The following RBBP5 variants were observed in gnomAD, a reference collection of about 807,000 sequenced individuals.
RBBP5 encodes the protein RB binding protein 5, histone lysine methyltransferase complex subunit, also known as retinoblastoma-binding protein 5.
RBBP5 carries 5 observed loss-of-function variants against 72.2 expected under a neutral mutation model. The ratio of observed to expected loss-of-function variants is 0.07; its 90% CI spans 0.04 to 0.15. The LOEUF (loss-of-function observed/expected upper bound fraction) is 0.15. RBBP5 is among the 10% of genes least tolerant of loss of function. The pLI, the probability that RBBP5 is intolerant of heterozygous loss-of-function variation, is 1.00. For synonymous variants in RBBP5, 209 were observed against 237.2 expected (o/e 0.88, Z 1.09); for missense variants, 322 against 652.2 (o/e 0.49, Z 5.51).
At chr1:205,088,842 T>TC in intron 13 of RBBP5, 27 bp from the exon 14 acceptor site, 1 of 1,551,812 alleles carries the variant, frequency 6.4e-7, no homozygotes, top group African/African-American at 1.4e-5. Flanking sequence ...CAAAAAGATT[T>TC]CTTTTAGCTT....
At chr1:205,093,816 G>A (rs770325730) in intron 13 of RBBP5, among the ~76,000 whole-genome samples, 4 of 151,940 alleles carry the variant, frequency 2.6e-5, no homozygotes, top group Non-Finnish European at 2.9e-5. Context: ...ATTAAATGAT[G>A]TAAGTTATAA....
chr1:205,094,687 G>C (rs906552542), intron 13 of RBBP5, among the ~76,000 whole-genome samples, 186 bp downstream of exon 13: 1 of 152,212 alleles, frequency 6.6e-6, no homozygotes, highest in Non-Finnish European at 1.5e-5. Context: ...CCAAGGTTAA[G>C]AGCCACTGAA....
chr1:205,101,704 CA>C lies in RBBP5; in HGVS notation c.527del (p.Leu176TrpfsTer3). On this transcript the variant is annotated frameshift_variant, in exon 6 of 14. Coordinates refer to ENST00000264515, the MANE Select transcript of RBBP5 (RefSeq NM_005057.4). LOFTEE classifies it high-confidence loss of function. ...GATCCTGAGAATCTGTTTTTAGGAC[CA>C]AAATCTAAAGTTTAAAGGAGGGGGG... is the stretch of plus-strand genomic sequence containing the variant. ...IYTGNAKGKILVLKTDSQDLV... is the reference protein window; with the variant it reads ...IYTGNAKGKIXVLKTDSQDLV... The C allele has an allele frequency of 6.2e-7, 1 of 1,609,206 alleles. No individual in the cohort carries two copies.
chr1:205,112,862 C>T (rs1335859098), intron 3 of RBBP5, among the ~76,000 whole-genome samples: 1 of 152,198 alleles, frequency 6.6e-6, no homozygotes. Context: ...GTGGCTCACA[C>T]CTGTAATCCC....
Position 205,101,450 on chromosome 1 carries a change from C to T in RBBP5, c.632+150G>A, listed in dbSNP as rs1281618037. Reference sequence around the variant, plus strand: ...ACTACGGCAGGAAATGTTATGAACTCGAAAACCAGATATTGTAAGTTTCTA... The same window carrying T: ...ACTACGGCAGGAAATGTTATGAACTTGAAAACCAGATATTGTAAGTTTCTA... On this transcript the variant is annotated intron_variant, in intron 6 of 13. Transcript: ENST00000264515. The T allele has an allele frequency of 2.4e-5, 13 of 535,184 alleles. No individual in the cohort carries two copies. In the Middle Eastern group the frequency reaches 9.9e-4, roughly 41 times the overall value. The allele number at this position is 535,184 out of a possible 1,614,324, so 33.2% of individuals were successfully genotyped here. A position where few individuals can be genotyped will look rare whatever the true frequency, so the allele number is the denominator to read the frequency against.
intron 13 of RBBP5, 95 bp downstream of exon 13, chr1:205,094,778 G>C: frequency 1.5e-6 from 2 of 1,312,768 alleles, no homozygotes; most frequent in Non-Finnish European, 2.1e-6. Context: ...AACGAGGGAA[G>C]AGAGGGGGAA....
At chr1:205,116,023 G>T in intron 1 of RBBP5, 140 bp from the exon 2 acceptor site, 2 of 1,546,242 alleles carry the variant, frequency 1.3e-6, no homozygotes, top group South Asian at 1.1e-5. Context: ...GAGGCCATAC[G>T]GATTTTCAAG....
chr1:205,102,996 C>CAAAA (rs376931698), intron 5 of RBBP5, among the ~76,000 whole-genome samples: 8 of 117,308 alleles, frequency 6.8e-5, no homozygotes, highest in African/African-American at 1.7e-4. Flanking sequence ...AACTCCATCT[C>CAAAA]AAAAAAAAAA....
rs1655187472 is a variant in RBBP5, at chr1:205,087,649, G to C, written c.*1138C>G. 2.0e-5 allele frequency: 3 copies of C among 151,590 alleles called. No homozygotes were observed. Among genetic ancestry groups the C allele is most frequent in the Non-Finnish European group, 1.5e-5 (1 of 67,970 alleles). 9.4% of individuals were successfully genotyped at this position (151,590 alleles called of 1,614,324 possible). On this transcript the variant is annotated 3_prime_UTR_variant, in exon 14 of 14. Coordinates refer to ENST00000264515, the MANE Select transcript of RBBP5 (RefSeq NM_005057.4). ...AAGCTACTGAGCCCTTTTCACACCT[G>C]GTTTCCTAATGGGATTTTCAGAGAA...
intron 13 of RBBP5, among the ~76,000 whole-genome samples, chr1:205,093,670 T>C (rs1353813276): frequency 6.7e-6 from 1 of 150,348 alleles, no homozygotes; most frequent in Admixed American, 6.7e-5. Context: ...GAAAAAAATA[T>C]TGGTACTCAG....
At chr1:205,091,445 T>A (rs1350100455) in intron 13 of RBBP5, 1 of 152,232 alleles carries the variant, frequency 6.6e-6, no homozygotes, top group Non-Finnish European at 1.5e-5. Flanking sequence ...CTCATTCACA[T>A]AGAAAAATGT....
At position 205,086,891 on chromosome 1, in the gene RBBP5, G is replaced by A. The variant is rs1655159741; in HGVS notation, c.*1896C>T. 6.6e-6 allele frequency: 1 copy of A among 152,162 alleles called. No homozygotes were observed. Among genetic ancestry groups the A allele is most frequent in the Non-Finnish European group, 1.5e-5 (1 of 68,026 alleles). The allele number at this position is 152,162 out of a possible 1,614,324, so 9.4% of individuals were successfully genotyped here. A position where few individuals can be genotyped will look rare whatever the true frequency, so the allele number is the denominator to read the frequency against. On this transcript the variant is annotated 3_prime_UTR_variant, in exon 14 of 14. Transcript: ENST00000264515. Reference sequence around the variant, plus strand: ...GCTGCAGTGTACAGTGCAGAGGACTGGAATGGATATAATGTCTGCAAAACA... The same window carrying A: ...GCTGCAGTGTACAGTGCAGAGGACTAGAATGGATATAATGTCTGCAAAACA...
intron 3 of RBBP5, among the ~76,000 whole-genome samples, chr1:205,107,933 C>CA (rs1656139695): frequency 1.9e-5 from 1 of 53,092 alleles, no homozygotes; most frequent in African/African-American, 5.6e-5. Context: ...GTAACAAGAG[C>CA]AAAAATCTGT....
At chr1:205,098,590 T>C (rs1655703151) in intron 10 of RBBP5, among the ~76,000 whole-genome samples, 2 of 152,112 alleles carry the variant, frequency 1.3e-5, no homozygotes, top group African/African-American at 4.8e-5. Context: ...ATGTCTGTAA[T>C]GGCAGCACTT....
chr1:205,105,633 T>C (rs1257587360), intron 3 of RBBP5, among the ~76,000 whole-genome samples: 4 of 152,174 alleles, frequency 2.6e-5, no homozygotes, highest in African/African-American at 4.8e-5. Flanking sequence ...CTGGACATAA[T>C]ATATAAAACA....
At chr1:205,121,746 C>T in intron 1 of RBBP5, 109 bp downstream of exon 1, 1 of 1,542,858 alleles carries the variant, frequency 6.5e-7, no homozygotes, top group Non-Finnish European at 8.9e-7. Flanking sequence ...GCCCAGTGAT[C>T]CATAGCCGAA....
chr1:205,092,159 T>A (rs1250835664), intron 13 of RBBP5, among the ~76,000 whole-genome samples: 1 of 152,200 alleles, frequency 6.6e-6, no homozygotes, highest in Non-Finnish European at 1.5e-5. Context: ...TGGAATTATC[T>A]GTGATATCCA....
intron 13 of RBBP5, among the ~76,000 whole-genome samples, chr1:205,094,135 C>G (rs1187813387): frequency 6.6e-6 from 1 of 152,106 alleles, no homozygotes; most frequent in East Asian, 1.9e-4. Flanking sequence ...TTTCTGTCCC[C>G]CAATAAAAAT....
At position 205,103,570 on chromosome 1, in the gene RBBP5, T is replaced by C. The variant is rs575229845; in HGVS notation, c.522+287A>G. On this transcript the variant is annotated intron_variant, in intron 5 of 13. Transcript: ENST00000264515. ...TATTGAGAAATTTTGATCAGCAGTG[T>C]TCCAGCTGATAACATGACATTGAAA... Among the ~76,000 whole-genome samples, 7 of 152,360 alleles carry C rather than the reference T, an allele frequency of 4.6e-5. No individual in the cohort carries two copies. The East Asian group carries it at 1.2e-3, about 25-fold the overall frequency.
Sources: allele counts gnomAD v4.1 joint callset (sites outside exome capture counted in the v4.1 genomes callset), GRCh38; gene constraint gnomAD v4.1.1; transcripts MANE v1.5; gene names NCBI Gene and HGNC (gene_info 2026-07-23, HGNC 2026-07-21).